Variants in ADCY10 observed in about 807,000 individuals in gnomAD.
The protein encoded by ADCY10 is adenylate cyclase 10.
ADCY10 carries 156 observed loss-of-function variants against 183.3 expected under a neutral mutation model. The ratio of observed to expected loss-of-function variants is 0.85; its 90% CI spans 0.75 to 0.97. The LOEUF (loss-of-function observed/expected upper bound fraction) is 0.97. ADCY10 is among the 50% of genes least tolerant of loss of function. The probability of loss-of-function intolerance (pLI) is 0.00; values close to 1 mark genes in which losing one functional copy is unlikely to be tolerated. For synonymous variants in ADCY10, 645 were observed against 670.0 expected (o/e 0.96, Z 0.58); for missense variants, 1,745 against 1,934.3 (o/e 0.90, Z 1.84).
chr1:167,890,607 G>T (rs1287269336), intron 8 of ADCY10, among the ~76,000 whole-genome samples: 1 of 192 alleles, frequency 5.2e-3, no homozygotes, highest in Admixed American at 0.056. Flanking sequence ...CAATCAGCAG[G>T]TGCAAAGCCA....
chr1:167,844,658 A>G (rs1455359133), intron 21 of ADCY10, among the ~76,000 whole-genome samples: 1 of 152,198 alleles, frequency 6.6e-6, no homozygotes, highest in Non-Finnish European at 1.5e-5. Context: ...TCAACCTTAA[A>G]GGGTTAATAT....
Position 167,859,819 on chromosome 1 carries a change from C to A in ADCY10, c.1884G>T (p.Lys628Asn), listed in dbSNP as rs752352059. Residue 628 changes from lysine to asparagine, a missense_variant, in exon 16 of 33, where the codon AAG (lysine) becomes AAT (asparagine). Physicochemically the swap from Lys to Asn is moderately conservative, Grantham distance 94. Transcript: ENST00000367851. ...KQKQLEILFM[K>N]ILKLIVKEER... ...CAGATGCTCTTACCAGCTTCAAGATCTTCATAAACAATATTTCCAATTGTT... is the reference window on the plus strand; with the variant it reads ...CAGATGCTCTTACCAGCTTCAAGATATTCATAAACAATATTTCCAATTGTT... The A allele has an allele frequency of 6.2e-7, 1 of 1,613,340 alleles. No individual in the cohort carries two copies. The highest frequency in any genetic ancestry group is 8.5e-7 in the Non-Finnish European group (1 of 1,179,318).
At chr1:167,873,199 A>T (rs1667228468) in intron 13 of ADCY10, among the ~76,000 whole-genome samples, 1 of 152,108 alleles carries the variant, frequency 6.6e-6, no homozygotes. Flanking sequence ...TCCTAGGATG[A>T]AAAGTAAGGC....
chr1:167,842,663 A>G lies in ADCY10; in HGVS notation c.3007+2900T>C, dbSNP rs552761506. 5.3e-5 allele frequency among the ~76,000 whole-genome samples: 8 copies of G among 152,134 alleles called. No homozygotes were observed. In the East Asian group the frequency reaches 1.4e-3, roughly 26 times the overall value. Reference sequence around the variant, plus strand: ...TTAAGAAATCTATTCACAGTATATTACTTGGTTTGTAATGGACAACATTTA... The same window carrying G: ...TTAAGAAATCTATTCACAGTATATTGCTTGGTTTGTAATGGACAACATTTA... On this transcript the variant is annotated intron_variant, in intron 21 of 32. Transcript: ENST00000367851.
At chr1:167,873,781 T>C (rs2102183491) in intron 13 of ADCY10, among the ~76,000 whole-genome samples, 1 of 152,302 alleles carries the variant, frequency 6.6e-6, no homozygotes, top group Non-Finnish European at 1.5e-5. Context: ...CCATGATTTT[T>C]GGGTAAGGAA....
At chr1:167,854,533 T>C in intron 17 of ADCY10, 44 bp from the exon 18 acceptor site, 1 of 1,609,670 alleles carries the variant, frequency 6.2e-7, no homozygotes, top group Non-Finnish European at 8.5e-7. Flanking sequence ...AAGATACATC[T>C]TTTAGGAAGG....
chr1:167,824,715 G>A lies in ADCY10; in HGVS notation c.3891C>T (p.Tyr1297=), dbSNP rs777383170. The change falls in exon 27 of 33, where the codon TAC becomes TAT. Residue 1297 remains tyrosine, a synonymous_variant. Transcript: ENST00000367851. ...TGTTGAAGACCAGTGTCTCAGCCAC[G>A]TATGCCACGATTTCAATGCCCTCGC... The part of the protein sequence containing the change: ...LKGEGIEIVA[Y]VAETLVFNKL... 9 of 1,614,082 alleles carry A rather than the reference G, an allele frequency of 5.6e-6. No homozygotes were observed. The highest frequency in any genetic ancestry group is 4.0e-5 in the African/African-American group (3 of 74,932).
At chr1:167,830,396 AAG>A (rs1391578277) in intron 25 of ADCY10, among the ~76,000 whole-genome samples, 3 of 151,416 alleles carry the variant, frequency 2.0e-5, no homozygotes, top group South Asian at 4.2e-4. Context: ...AAAAAAAAAA[AAG>A]AGGATTTTTT....
chr1:167,880,629 C>T lies in ADCY10; in HGVS notation c.1021-20G>A. 2 of 1,553,970 alleles carry T rather than the reference C, an allele frequency of 1.3e-6. No individual in the cohort carries two copies. The highest frequency in any genetic ancestry group is 1.8e-6 in the Non-Finnish European group (2 of 1,125,316). On this transcript the variant is annotated intron_variant, in intron 9 of 32. Transcript: ENST00000367851. ...GCAGCCCTGTGAGGGAGAGAGACAG[C>T]AACCACAGCTGATGGACAGTGTGCT...
intron 6 of ADCY10, 68 bp from the exon 7 acceptor site, chr1:167,896,759 C>T (rs1009960425): frequency 1.6e-5 from 18 of 1,125,474 alleles, no homozygotes; most frequent in Non-Finnish European, 2.3e-5. Context: ...AGTGTAATTT[C>T]TTAGCAGAAA....
chr1:167,904,167 A>T (rs1284624414), intron 2 of ADCY10, among the ~76,000 whole-genome samples, 176 bp from the exon 3 acceptor site: 1 of 147,832 alleles, frequency 6.8e-6, no homozygotes, highest in Non-Finnish European at 1.5e-5. Context: ...AGCTCACTGC[A>T]ACCTCCGCCT....
At chr1:167,877,811 C>A (rs1031654629) in intron 12 of ADCY10, among the ~76,000 whole-genome samples, 1 of 152,192 alleles carries the variant, frequency 6.6e-6, no homozygotes, top group South Asian at 2.1e-4. Context: ...AAATTGACTG[C>A]GGTTTTCCCA....
At chr1:167,830,951 C>T (rs892226902) in intron 25 of ADCY10, among the ~76,000 whole-genome samples, 2 of 152,172 alleles carry the variant, frequency 1.3e-5, no homozygotes, top group African/African-American at 2.4e-5. Flanking sequence ...CCTGCCTTTG[C>T]TTCAAGTTGT....
intron 13 of ADCY10, among the ~76,000 whole-genome samples, chr1:167,872,198 C>G (rs1361262406): frequency 1.3e-5 from 2 of 151,842 alleles, no homozygotes; most frequent in Non-Finnish European, 2.9e-5. Flanking sequence ...ATTAGCCGGG[C>G]GTGGTGGTGC....
intron 11 of ADCY10, 30 bp from the exon 12 acceptor site, chr1:167,878,665 A>G: frequency 1.9e-6 from 3 of 1,604,560 alleles, no homozygotes; most frequent in Middle Eastern, 3.7e-4. Context: ...GTCAAAGATC[A>G]GGGAAATAAC....
intron 3 of ADCY10, 73 bp from the exon 4 acceptor site, chr1:167,902,127 G>A: frequency 2.1e-6 from 3 of 1,414,858 alleles, no homozygotes; most frequent in Non-Finnish European, 3.0e-6. Context: ...TTCTTTCTTA[G>A]TGGAATAGAA....
At chr1:167,875,882 G>A (rs570389712) in intron 12 of ADCY10, among the ~76,000 whole-genome samples, 2 of 152,244 alleles carry the variant, frequency 1.3e-5, no homozygotes, top group African/African-American at 2.4e-5. Context: ...GAACCCGGGA[G>A]GGGGAGCTTG....
chr1:167,814,853 C>T (rs1213149783), intron 31 of ADCY10, among the ~76,000 whole-genome samples: 1 of 152,078 alleles, frequency 6.6e-6, no homozygotes, highest in Non-Finnish European at 1.5e-5. Flanking sequence ...TTAGGCCACA[C>T]GTGGGCTCAT....
At chr1:167,889,112 A>G (rs1668434992) in intron 8 of ADCY10, among the ~76,000 whole-genome samples, 5 of 152,058 alleles carry the variant, frequency 3.3e-5, no homozygotes, top group Admixed American at 2.6e-4. Flanking sequence ...TTCCAGTATT[A>G]TGTTGAAAAA....
Sources: allele counts gnomAD v4.1 joint callset (sites outside exome capture counted in the v4.1 genomes callset), GRCh38; gene constraint gnomAD v4.1.1; transcripts MANE v1.5; gene names NCBI Gene and HGNC (gene_info 2026-07-23, HGNC 2026-07-21).